Variants in SNHG17 observed in about 807,000 individuals in gnomAD.
SNHG17 encodes the protein small nucleolar RNA host gene 17 (non-protein coding).
intron 1 of SNHG17, chr20:38,435,038 T>C (rs2084408988): frequency 5.7e-6 from 7 of 1,231,232 alleles, no homozygotes; most frequent in Non-Finnish European, 6.1e-6. Context: ...TGCCAGTGTC[T>C]TTCCCGAGGA....
intron 3 of SNHG17, chr20:38,429,386 A>C (rs1056428215): frequency 3.1e-5 from 6 of 192,306 alleles, no homozygotes; most frequent in East Asian, 3.7e-4. Context: ...AGAGCCAGGA[A>C]ACAAGTCAGG....
chr20:38,427,776 A>G (rs1379936600), intron 3 of SNHG17: 1 of 164,668 alleles, frequency 6.1e-6, no homozygotes, highest in African/African-American at 2.4e-5. Flanking sequence ...CCTAGTCAAC[A>G]GTTTACTGAT....
chr20:38,427,622 C>T (rs999166758), intron 3 of SNHG17: 1 of 192,310 alleles, frequency 5.2e-6, no homozygotes, highest in Non-Finnish European at 1.1e-5. Context: ...CTGGAAAAAT[C>T]TGGGGACTAG....
chr20:38,425,173 A>T (rs1335529626), intron 5 of SNHG17: 1 of 513,758 alleles, frequency 1.9e-6, no homozygotes, highest in Admixed American at 1.9e-5. Flanking sequence ...ACCAGGAGGT[A>T]ACATCACTGG....
chr20:38,422,770 CACA>C (rs1371487717), intron 5 of SNHG17, among the ~76,000 whole-genome samples: 2 of 152,138 alleles, frequency 1.3e-5, no homozygotes, highest in Non-Finnish European at 2.9e-5. Context: ...CACACGCACA[CACA>C]ACAAAACATT....
In SNHG17 at chr20:38,433,979, G is replaced by T. The variant is rs778326252; in HGVS notation, n.308+525C>A. On this transcript the variant is annotated intron_variant and non_coding_transcript_variant, in intron 2 of 8. Coordinates refer to ENST00000654008, the Ensembl canonical transcript of SNHG17. ...AATGACCAGGGCACAGGCAGCCCAC[G>T]ATCACTTTCGAATACAGGTGCAAAA... 5.8e-6 allele frequency: 3 copies of T among 518,944 alleles called. No individual in the cohort carries two copies. In the Admixed American group the frequency reaches 5.8e-5, roughly 10 times the overall value. 32.1% of individuals were successfully genotyped at this position (518,944 alleles called of 1,614,324 possible).
intron 2 of SNHG17, among the ~76,000 whole-genome samples, chr20:38,433,271 C>T (rs1207109307): frequency 2.0e-5 from 3 of 152,170 alleles, no homozygotes; most frequent in East Asian, 1.9e-4. Context: ...CCATTGCACC[C>T]GGCCCATCTC....
intron 5 of SNHG17, among the ~76,000 whole-genome samples, chr20:38,424,669 C>T (rs1384521660): frequency 6.6e-6 from 1 of 152,194 alleles, no homozygotes; most frequent in Non-Finnish European, 1.5e-5. Flanking sequence ...AGCAAACCAA[C>T]AATTCCCAGA....
At chr20:38,427,204 T>A in intron 3 of SNHG17, 1 of 336,564 alleles carries the variant, frequency 3.0e-6, no homozygotes, top group Admixed American at 3.2e-5. Context: ...CAAAGAGAGG[T>A]CAAGCTGAGA....
chr20:38,426,297 G>A (rs1326139754), intron 4 of SNHG17: 1 of 152,230 alleles, frequency 6.6e-6, no homozygotes, highest in Non-Finnish European at 1.5e-5. Context: ...TGTCCCTGTG[G>A]GCCTCAGTGG....
intron 3 of SNHG17, chr20:38,427,540 A>G (rs1303980064): frequency 1.2e-5 from 4 of 339,270 alleles, no homozygotes; most frequent in Non-Finnish European, 2.4e-5. Flanking sequence ...TGCAGCTGCC[A>G]TCTGTCCTGT....
chr20:38,433,805 G>A (rs2084378114), intron 2 of SNHG17: 4 of 518,866 alleles, frequency 7.7e-6, no homozygotes, highest in Non-Finnish European at 1.5e-5. Flanking sequence ...CTTGCACAGG[G>A]AGCACTCACT....
intron 3 of SNHG17, chr20:38,429,477 C>A: frequency 8.0e-6 from 2 of 250,196 alleles, no homozygotes; most frequent in South Asian, 3.8e-5. Context: ...AGAAAGCTTC[C>A]GGGAGGAAGG....
intron 2 of SNHG17, among the ~76,000 whole-genome samples, chr20:38,432,526 T>C (rs2084356553): frequency 6.6e-6 from 1 of 152,134 alleles, no homozygotes; most frequent in Non-Finnish European, 1.5e-5. Context: ...ATGACAATCC[T>C]GTGGGGAAAT....
chr20:38,420,918 T>C (rs978234532), intron 7 of SNHG17: 1 of 151,800 alleles, frequency 6.6e-6, no homozygotes, highest in Non-Finnish European at 1.5e-5. Flanking sequence ...AAAGGACAAG[T>C]GAGACCAGTG....
chr20:38,428,512 A>G (rs1378357537), intron 3 of SNHG17: 1 of 152,212 alleles, frequency 6.6e-6, no homozygotes, highest in Non-Finnish European at 1.5e-5. Context: ...AAGCATCTCT[A>G]CAGTGTTGCA....
At chr20:38,432,187 C>T in intron 2 of SNHG17, 5 of 985,354 alleles carry the variant, frequency 5.1e-6, no homozygotes, top group Non-Finnish European at 6.0e-6. Flanking sequence ...TAAACATTTC[C>T]TAAAAGTTGG....
intron 3 of SNHG17, chr20:38,429,812 G>C: frequency 1.9e-6 from 1 of 517,564 alleles, no homozygotes; most frequent in South Asian, 1.4e-5. Context: ...GGGCAGAAAG[G>C]GCAGAGGGCA....
chr20:38,427,512 G>C (rs2084270863), intron 3 of SNHG17: 1 of 460,136 alleles, frequency 2.2e-6, no homozygotes, highest in African/African-American at 2.0e-5. Flanking sequence ...ACCCAAGTCA[G>C]GGACAGTACA....
Sources: gnomAD v4.1 joint callset for allele counts (sites outside exome capture counted in the v4.1 genomes callset) on GRCh38, gnomAD v4.1.1 for gene constraint, MANE v1.5 for transcripts, NCBI Gene and HGNC (gene_info 2026-07-23, HGNC 2026-07-21) for gene names.